Variants in STK33 observed in about 807,000 individuals in gnomAD.
STK33 encodes the protein serine/threonine-protein kinase 33.
STK33 carries 52 observed loss-of-function variants against 58.0 expected under a neutral mutation model. The ratio of observed to expected loss-of-function variants is 0.90; its 90% CI spans 0.72 to 1.13. STK33 has a LOEUF of 1.13. Among genes scored for constraint, STK33 ranks in the 50% most tolerant of loss-of-function variants. The pLI is 0.00. For missense variants in STK33, 630 were observed against 604.2 expected (o/e 1.04, Z -0.45); for synonymous variants, 215 against 200.1 (o/e 1.07, Z -0.63).
chr11:8,570,988 C>A (rs1290853074), intron 1 of STK33, among the ~76,000 whole-genome samples: 1 of 152,072 alleles, frequency 6.6e-6, no homozygotes, highest in African/African-American at 2.4e-5. Context: ...GAAAACTGGA[C>A]AAAATACATG....
Position 8,435,509 on chromosome 11 carries a change from A to G in STK33, c.1131T>C (p.Asp377=). The part of the protein sequence containing the change: ...AHRITAKELL[D]NQWLTGNKLS... The stretch of plus-strand genomic sequence containing the variant: ...TGTAACTTACTGTTAACCACTGGTT[A>G]TCTAGTAGTTCCTTAGCTGTGATTC... The change falls in exon 14 of 16, where the codon GAT becomes GAC. Residue 377 remains aspartate, a synonymous_variant. Coordinates refer to ENST00000687296, the MANE Select transcript of STK33 (RefSeq NM_001352389.2). 2 of 1,473,544 alleles carry G rather than the reference A, an allele frequency of 1.4e-6. No homozygotes were observed. Among genetic ancestry groups the G allele is most frequent in the Non-Finnish European group, 1.8e-6 (2 of 1,098,220 alleles). The allele number at this position is 1,473,544 out of a possible 1,614,324, so 91.3% of individuals were successfully genotyped here.
At chr11:8,504,680 T>C (rs1446586872) in intron 1 of STK33, among the ~76,000 whole-genome samples, 1 of 151,812 alleles carries the variant, frequency 6.6e-6, no homozygotes, top group Non-Finnish European at 1.5e-5. Context: ...TGTGTGCCTG[T>C]AGTCCTAGCT....
intron 15 of STK33, 132 bp downstream of exon 15, chr11:8,413,363 A>C: frequency 1.0e-6 from 1 of 960,804 alleles, no homozygotes; most frequent in South Asian, 1.6e-5. Flanking sequence ...AGGCAGAAAG[A>C]ACTTTACTTG....
intron 1 of STK33, among the ~76,000 whole-genome samples, chr11:8,551,450 G>T (rs1334205868): frequency 6.6e-6 from 1 of 152,048 alleles, no homozygotes; most frequent in East Asian, 1.9e-4. Flanking sequence ...TTCTTTATCA[G>T]ACATTTCATA....
chr11:8,336,215 T>C, the STK33 span, among the ~76,000 whole-genome samples: 4 of 152,222 alleles, frequency 2.6e-5, no homozygotes, highest in African/African-American at 4.8e-5. Flanking sequence ...CCCGGGCCTC[T>C]TGCCCTGCCA....
At chr11:8,558,635 G>C (rs1291095105) in intron 1 of STK33, among the ~76,000 whole-genome samples, 1 of 152,114 alleles carries the variant, frequency 6.6e-6, no homozygotes, top group African/African-American at 2.4e-5. Context: ...GGTGGGTGTG[G>C]CTCATAACTT....
intron 11 of STK33, among the ~76,000 whole-genome samples, chr11:8,442,992 G>T (rs975351327): frequency 1.3e-5 from 2 of 152,122 alleles, no homozygotes; most frequent in African/African-American, 2.4e-5. Flanking sequence ...AACTTTCTGG[G>T]GTGACAGAAA....
chr11:8,475,932 T>C (rs1016645256), intron 4 of STK33: 1 of 152,194 alleles, frequency 6.6e-6, no homozygotes, highest in African/African-American at 2.4e-5. Flanking sequence ...TCCTTTGAAC[T>C]GGAATAAACT....
At chr11:8,433,749 C>T (rs1396554562) in intron 14 of STK33, 2 of 152,168 alleles carry the variant, frequency 1.3e-5, no homozygotes, top group South Asian at 2.1e-4. Context: ...CATTCTTCAT[C>T]GAATCCGTCA....
At chr11:8,446,201 A>G (rs1945439792) in intron 11 of STK33, among the ~76,000 whole-genome samples, 1 of 152,046 alleles carries the variant, frequency 6.6e-6, no homozygotes, top group Non-Finnish European at 1.5e-5. Flanking sequence ...GGTAGCTTGT[A>G]TTTCTGTGGG....
intron 14 of STK33, among the ~76,000 whole-genome samples, chr11:8,419,335 G>T (rs1174741094): frequency 1.3e-5 from 2 of 152,178 alleles, no homozygotes; most frequent in Non-Finnish European, 2.9e-5. Context: ...TTATCGAATA[G>T]AAAGTCCTTT....
chr11:8,493,956 T>C (rs1464755053), intron 1 of STK33, among the ~76,000 whole-genome samples: 3 of 152,250 alleles, frequency 2.0e-5, no homozygotes, highest in African/African-American at 7.2e-5. Context: ...CTCAAAATAA[T>C]AAGAGCTATT....
chr11:8,417,706 A>G (rs576711846), intron 14 of STK33, among the ~76,000 whole-genome samples: 1 of 152,304 alleles, frequency 6.6e-6, no homozygotes, highest in South Asian at 2.1e-4. Context: ...AAAAACATAT[A>G]AAAGAATGGC....
the STK33 span, among the ~76,000 whole-genome samples, chr11:8,378,181 T>C: frequency 6.6e-6 from 1 of 152,226 alleles, no homozygotes; most frequent in Non-Finnish European, 1.5e-5. Context: ...TGCATCCTTC[T>C]TCACATGGCA....
At chr11:8,477,540 T>C (rs1949397390) in intron 2 of STK33, among the ~76,000 whole-genome samples, 1 of 152,164 alleles carries the variant, frequency 6.6e-6, no homozygotes, top group Non-Finnish European at 1.5e-5. Flanking sequence ...TAACTGCAGC[T>C]GAGTTCTTTC....
At chr11:8,461,124 T>A (rs189426529) in intron 8 of STK33, among the ~76,000 whole-genome samples, 1 of 152,194 alleles carries the variant, frequency 6.6e-6, no homozygotes, top group South Asian at 2.1e-4. Context: ...CATGGTCTCA[T>A]GGATAACTAA....
At chr11:8,495,034 G>T (rs1264096268) in intron 1 of STK33, among the ~76,000 whole-genome samples, 1 of 152,048 alleles carries the variant, frequency 6.6e-6, no homozygotes, top group Non-Finnish European at 1.5e-5. Flanking sequence ...CATAGGCATG[G>T]GCAAAGAATT....
intron 1 of STK33, among the ~76,000 whole-genome samples, chr11:8,487,383 C>A (rs1271084829): frequency 6.9e-6 from 1 of 143,908 alleles, no homozygotes; most frequent in African/African-American, 2.6e-5. Flanking sequence ...GATCATGCCA[C>A]TGGACTCCAG....
At chr11:8,367,157 G>A in the STK33 span, among the ~76,000 whole-genome samples, 2 of 152,344 alleles carry the variant, frequency 1.3e-5, no homozygotes, top group African/African-American at 4.8e-5. Flanking sequence ...TGTACAAAGC[G>A]TGTGTGTATA....
Sources: gnomAD v4.1 joint callset for allele counts (sites outside exome capture counted in the v4.1 genomes callset) on GRCh38, gnomAD v4.1.1 for gene constraint, MANE v1.5 for transcripts, NCBI Gene and HGNC (gene_info 2026-07-23, HGNC 2026-07-21) for gene names.